Variants in KCNMA1 observed in about 807,000 individuals in gnomAD.
KCNMA1 encodes Calcium-activated potassium channel subunit alpha-1.
Under a neutral mutation model 140.0 loss-of-function variants are expected in KCNMA1, and 29 were observed. The observed-to-expected ratio is 0.21, with a 90% CI of 0.15 to 0.28. KCNMA1 has a LOEUF of 0.28. Among genes scored for constraint, KCNMA1 ranks in the 10% least tolerant of loss-of-function variants. The pLI is 1.00. For missense variants in KCNMA1, 880 were observed against 1,602.2 expected, an observed-to-expected ratio of 0.55 and a Z score of 7.70; for synonymous variants, 612 against 611.9, an observed-to-expected ratio of 1.00 and a Z score of 0.00.
At chr10:76,877,708 CT>C (rs748557668), downstream of KCNMA1, 19 of 1,546,554 alleles carry the variant, frequency 1.2e-5, no homozygotes, top group Non-Finnish European at 1.6e-5. Flanking sequence ...GTTTGTCAGG[CT>C]TTAAAAAAAT....
At chr10:77,604,166 C>G (rs540239731) in intron 1 of KCNMA1, among the ~76,000 whole-genome samples, 12 of 152,220 alleles carry the variant, frequency 7.9e-5, no homozygotes, top group Non-Finnish European at 1.6e-4. Flanking sequence ...AGTTGCTCCT[C>G]TAGTCTAGGT....
At chr10:77,586,684 C>T (rs1311758610) in intron 1 of KCNMA1, among the ~76,000 whole-genome samples, 1 of 152,140 alleles carries the variant, frequency 6.6e-6, no homozygotes, top group African/African-American at 2.4e-5. Context: ...ATTTTTCCCT[C>T]CACATAAAAC....
At chr10:77,043,955 C>T (rs1442961865) in intron 14 of KCNMA1, among the ~76,000 whole-genome samples, 1 of 152,112 alleles carries the variant, frequency 6.6e-6, no homozygotes, top group African/African-American at 2.4e-5. Context: ...TTCCACTGAA[C>T]TACATGCTTA....
At chr10:77,401,095 C>T (rs1205782758) in intron 2 of KCNMA1, among the ~76,000 whole-genome samples, 10 of 152,010 alleles carry the variant, frequency 6.6e-5, no homozygotes, top group Admixed American at 5.2e-4. Flanking sequence ...TCCCCCAGCT[C>T]TCTCTGTACA....
intron 2 of KCNMA1, among the ~76,000 whole-genome samples, chr10:77,290,104 A>C (rs1038866455): frequency 5.3e-5 from 8 of 152,098 alleles, no homozygotes; most frequent in Non-Finnish European, 1.2e-4. Flanking sequence ...GCCTCCATAC[A>C]TTTGTGAAAA....
At chr10:77,563,927 A>C (rs1423050859) in intron 1 of KCNMA1, among the ~76,000 whole-genome samples, 4 of 152,176 alleles carry the variant, frequency 2.6e-5, no homozygotes, top group Non-Finnish European at 5.9e-5. Flanking sequence ...GGGGCTTATC[A>C]CATTTGTCCC....
chr10:77,453,911 A>G (rs547257247), intron 1 of KCNMA1, among the ~76,000 whole-genome samples: 6 of 152,312 alleles, frequency 3.9e-5, no homozygotes, highest in African/African-American at 1.4e-4. Context: ...GGAAACCTCA[A>G]GCTCACAGAG....
At chr10:76,966,277 G>A (rs571202932) in intron 20 of KCNMA1, among the ~76,000 whole-genome samples, 8 of 152,250 alleles carry the variant, frequency 5.3e-5, no homozygotes, top group South Asian at 2.1e-4. Flanking sequence ...GAGAACCCAG[G>A]TGTTTACTCC....
At chr10:77,583,793 C>T (rs1183168738) in intron 1 of KCNMA1, among the ~76,000 whole-genome samples, 3 of 152,184 alleles carry the variant, frequency 2.0e-5, no homozygotes, top group Non-Finnish European at 4.4e-5. Flanking sequence ...CCTGACTCAA[C>T]AGGAGAGGCC....
intron 1 of KCNMA1, among the ~76,000 whole-genome samples, chr10:77,537,803 C>T (rs1170056778): frequency 6.6e-6 from 1 of 151,918 alleles, no homozygotes; most frequent in Non-Finnish European, 1.5e-5. Flanking sequence ...CACAGTGGGC[C>T]GTTCGGACTG....
chr10:76,933,372 G>T (rs150590419), intron 23 of KCNMA1, among the ~76,000 whole-genome samples: 1 of 152,272 alleles, frequency 6.6e-6, no homozygotes, highest in East Asian at 1.9e-4. Flanking sequence ...GCATGAAGAG[G>T]TCAGCAAAAC....
At chr10:76,966,034 A>C (rs2073810675) in intron 20 of KCNMA1, among the ~76,000 whole-genome samples, 1 of 152,210 alleles carries the variant, frequency 6.6e-6, no homozygotes, top group Admixed American at 6.5e-5. Context: ...CTAAACTATA[A>C]GCATTTTGAA....
intron 3 of KCNMA1, among the ~76,000 whole-genome samples, chr10:77,204,179 A>G (rs1049370070): frequency 1.3e-5 from 2 of 152,008 alleles, no homozygotes; most frequent in African/African-American, 2.4e-5. Context: ...TACAATCCCT[A>G]GAGGATGAGG....
chr10:76,974,416 A>T, intron 19 of KCNMA1: 1 of 917,860 alleles, frequency 1.1e-6, no homozygotes, highest in Non-Finnish European at 1.7e-6. Flanking sequence ...TGAGCTCAGC[A>T]TGGTAAAGTA....
At chr10:76,977,726 G>A in intron 19 of KCNMA1, 2 of 691,150 alleles carry the variant, frequency 2.9e-6, no homozygotes, top group Admixed American at 4.1e-5. Flanking sequence ...AACAGAGGTA[G>A]CTTAGTGACT....
intron 2 of KCNMA1, among the ~76,000 whole-genome samples, chr10:77,299,773 A>G (rs1287557549): frequency 6.6e-6 from 1 of 152,174 alleles, no homozygotes; most frequent in East Asian, 1.9e-4. Context: ...CATTTCTGCC[A>G]TGCTGTTGGG....
At chr10:77,199,704 C>A (rs1843499528) in intron 3 of KCNMA1, among the ~76,000 whole-genome samples, 1 of 152,100 alleles carries the variant, frequency 6.6e-6, no homozygotes, top group African/African-American at 2.4e-5. Context: ...AGAAACTCAT[C>A]AGCGTGAGAA....
intron 3 of KCNMA1, among the ~76,000 whole-genome samples, chr10:77,202,422 T>C (rs1233861016): frequency 2.6e-5 from 4 of 152,212 alleles, no homozygotes; most frequent in Admixed American, 2.6e-4. Context: ...GGTAAGCAGA[T>C]ATCAGGTAAC....
intron 15 of KCNMA1, among the ~76,000 whole-genome samples, chr10:77,028,272 T>C (rs1471064183): frequency 6.6e-6 from 1 of 152,154 alleles, no homozygotes; most frequent in Non-Finnish European, 1.5e-5. Flanking sequence ...GTTATTTGGA[T>C]TCCGTTTCGG....
Sources: gnomAD v4.1 joint callset for allele counts (sites outside exome capture counted in the v4.1 genomes callset) on GRCh38, gnomAD v4.1.1 for gene constraint, MANE v1.5 for transcripts, NCBI Gene and HGNC (gene_info 2026-07-23, HGNC 2026-07-21) for gene names.